The following MICAL3 variants were observed in gnomAD, a reference collection of about 807,000 sequenced individuals.
MICAL3 encodes [F-actin]-monooxygenase MICAL3.
A neutral mutation model predicts 207.4 loss-of-function variants in MICAL3; 62 were observed. That is an observed-to-expected ratio of 0.30 (90% CI 0.24 to 0.37). MICAL3 has a LOEUF of 0.37. Among genes scored for constraint, MICAL3 ranks in the 10% least tolerant of loss-of-function variants. The pLI, the probability that MICAL3 is intolerant of heterozygous loss-of-function variation, is 1.00. For missense variants in MICAL3, 2,368 were observed against 2,635.6 expected, an observed-to-expected ratio of 0.90 and a Z score of 2.22; for synonymous variants, 1,077 against 1,069.3, an observed-to-expected ratio of 1.01 and a Z score of -0.14.
chr22:17,952,593 C>T (rs558238959), intron 1 of MICAL3, among the ~76,000 whole-genome samples: 6 of 152,314 alleles, frequency 3.9e-5, no homozygotes, highest in African/African-American at 1.4e-4. Context: ...AAACAAACAC[C>T]AAGCAGCCAA....
Position 17,819,084 on chromosome 22 carries a change from G to A in MICAL3, c.3577C>T (p.Pro1193Ser). The change falls in exon 26 of 32, where the codon CCT becomes TCT. Residue 1193 changes from proline (P) to serine (S), a missense_variant. Physicochemically the swap from Pro to Ser is moderately conservative, Grantham distance 74. Coordinates refer to ENST00000441493, the MANE Select transcript of MICAL3 (RefSeq NM_015241.3). ...PVPAATQEKSPEERLFPEPLL... is the reference protein window; with the variant it reads ...PVPAATQEKSSEERLFPEPLL... ...GGCTCAGGGAAAAGGCGCTCCTCAG[G>A]TGATTTCTCCTGGGTGGCGGCAGGG... 2 of 1,534,984 alleles carry A rather than the reference G, an allele frequency of 1.3e-6. No homozygotes were observed. Among genetic ancestry groups the A allele is most frequent in the Non-Finnish European group, 1.8e-6 (2 of 1,139,614 alleles).
At chr22:17,810,959 G>A (rs572476478) in intron 27 of MICAL3, 146 bp from the exon 28 acceptor site, 2 of 636,034 alleles carry the variant, frequency 3.1e-6, no homozygotes, top group South Asian at 1.8e-5. Context: ...CCTCTGTAGA[G>A]TAGAGTGCTA....
At chr22:18,023,376 G>T (rs2146522161) in intron 1 of MICAL3, among the ~76,000 whole-genome samples, 1 of 152,266 alleles carries the variant, frequency 6.6e-6, no homozygotes, top group African/African-American at 2.4e-5. Flanking sequence ...CTAATGAATA[G>T]CACCACAGGG....
In MICAL3 at chr22:17,867,608, G is replaced by A. The variant is rs144422923; in HGVS notation, c.2429-1596C>T. 2.1e-3 allele frequency among the ~76,000 whole-genome samples: 321 copies of A among 152,308 alleles called. 1 individual carries two copies. Among genetic ancestry groups the A allele is most frequent in the African/African-American group, 6.8e-3 (282 of 41,570 alleles). On this transcript the variant is annotated intron_variant, in intron 17 of 31. Coordinates refer to ENST00000441493, the MANE Select transcript of MICAL3 (RefSeq NM_015241.3). ...CCACCAGTAACACATGACCCAGGCC[G>A]CTCGGCAACTCACTCCCTCCACCCC...
intron 1 of MICAL3, among the ~76,000 whole-genome samples, chr22:18,020,603 C>T (rs1262635269): frequency 5.0e-5 from 4 of 80,602 alleles, no homozygotes; most frequent in Admixed American, 3.9e-4. Context: ...GGCTGTAAAC[C>T]TTTAAAAAGT....
Position 17,808,967 on chromosome 22 carries a change from G to A in MICAL3, c.5557-30C>T, listed in dbSNP as rs574609465. 3.7e-5 allele frequency: 56 copies of A among 1,527,764 alleles called. No individual in the cohort carries two copies. The Admixed American group carries it at 7.8e-4, about 21-fold the overall frequency. 94.6% of individuals were successfully genotyped at this position (1,527,764 alleles called of 1,614,324 possible). On this transcript the variant is annotated intron_variant, in intron 28 of 31. Transcript: ENST00000441493. The stretch of plus-strand genomic sequence containing the variant: ...GACAGACAGCACAGACTGAGCACCC[G>A]GCTCTCCAGCCCTGCTTCAGGAGGA...
intron 29 of MICAL3, among the ~76,000 whole-genome samples, chr22:17,802,012 A>G (rs2061945583): frequency 6.6e-6 from 1 of 152,140 alleles, no homozygotes; most frequent in African/African-American, 2.4e-5. Flanking sequence ...ATACAATCCT[A>G]AAGAAACGCG....
chr22:17,858,607 T>G (rs1926183531), intron 19 of MICAL3: 2 of 263,434 alleles, frequency 7.6e-6, no homozygotes, highest in African/African-American at 4.6e-5. Flanking sequence ...GTGGCCCATT[T>G]TCACAGCCGC....
chr22:18,014,314 G>A (rs1002338057), intron 1 of MICAL3, among the ~76,000 whole-genome samples: 1 of 152,190 alleles, frequency 6.6e-6, no homozygotes, highest in Non-Finnish European at 1.5e-5. Context: ...GAGGCACTAA[G>A]ACACTAAATA....
At chr22:17,878,028 T>C (rs1401993238) in intron 16 of MICAL3, among the ~76,000 whole-genome samples, 2 of 152,182 alleles carry the variant, frequency 1.3e-5, no homozygotes, top group Admixed American at 1.3e-4. Context: ...AATTTTTTTG[T>C]ATTTTCAGTA....
rs1213949080 is a variant in MICAL3 at position 17,881,310 on chromosome 22, C to T, written c.2241+4568G>A. 3.1e-6 allele frequency: 5 copies of T among 1,598,226 alleles called. No homozygotes were observed. The Admixed American group carries it at 6.9e-5, about 22-fold the overall frequency. On this transcript the variant is annotated intron_variant, in intron 16 of 31. Coordinates refer to ENST00000441493, the MANE Select transcript of MICAL3 (RefSeq NM_015241.3). The stretch of plus-strand genomic sequence containing the variant: ...AACACTCCTTTTCCCGTTGCTTTTA[C>T]ACCAACAGACACAAACAGAGAGAAC...
chr22:17,884,347 C>T, intron 16 of MICAL3: 1 of 1,591,538 alleles, frequency 6.3e-7, no homozygotes, highest in Non-Finnish European at 8.5e-7. Context: ...TGGCCCCACG[C>T]TCTTGTGTCA....
At chr22:17,875,926 C>G (rs1280878639) in intron 16 of MICAL3, among the ~76,000 whole-genome samples, 1 of 152,190 alleles carries the variant, frequency 6.6e-6, no homozygotes, top group Non-Finnish European at 1.5e-5. Context: ...AACCCCCGGC[C>G]TGAGCTGGGA....
At chr22:17,815,517 G>A (rs1170233686) in intron 27 of MICAL3, 1 of 152,316 alleles carries the variant, frequency 6.6e-6, no homozygotes, top group Non-Finnish European at 1.5e-5. Context: ...TCTCAGCTCA[G>A]CCCCAGTGCA....
At chr22:17,800,076 T>C (rs923783223) in intron 29 of MICAL3, among the ~76,000 whole-genome samples, 16 of 151,652 alleles carry the variant, frequency 1.1e-4, no homozygotes, top group African/African-American at 3.9e-4. Context: ...CCTATCAACA[T>C]GAAACTCAGA....
chr22:17,967,645 C>T (rs538124114), intron 1 of MICAL3, among the ~76,000 whole-genome samples: 12 of 152,202 alleles, frequency 7.9e-5, no homozygotes, highest in Non-Finnish European at 1.5e-4. Context: ...TGGTGGCTCA[C>T]GCCTGTAATC....
chr22:17,905,835 C>T (rs949409277), intron 2 of MICAL3, among the ~76,000 whole-genome samples: 1 of 152,164 alleles, frequency 6.6e-6, no homozygotes, highest in African/African-American at 2.4e-5. Context: ...CTTGGGCCTA[C>T]CTGCTTCGTG....
chr22:17,901,571 G>A (rs1203565026), intron 5 of MICAL3, among the ~76,000 whole-genome samples: 1 of 152,192 alleles, frequency 6.6e-6, no homozygotes, highest in Non-Finnish European at 1.5e-5. Context: ...TCAGGAGGCT[G>A]AGATGGGAGA....
intron 9 of MICAL3, 55 bp from the exon 10 acceptor site, chr22:17,895,465 C>T: frequency 6.3e-7 from 1 of 1,597,286 alleles, no homozygotes; most frequent in Admixed American, 1.7e-5. Flanking sequence ...GAACATCTCC[C>T]TCTCGTTTCA....
Sources: gnomAD v4.1 joint callset for allele counts (sites outside exome capture counted in the v4.1 genomes callset) on GRCh38, gnomAD v4.1.1 for gene constraint, MANE v1.5 for transcripts, NCBI Gene and HGNC (gene_info 2026-07-23, HGNC 2026-07-21) for gene names.